The following AFF2 variants were observed in gnomAD, a reference collection of about 807,000 sequenced individuals.
The protein encoded by AFF2 is ALF transcription elongation factor 2, also known as AF4/FMR2 family member 2.
A neutral mutation model predicts 76.9 loss-of-function variants in AFF2; 14 were observed. The observed-to-expected ratio is 0.18, with a 90% CI of 0.12 to 0.28. AFF2 has a LOEUF of 0.28. AFF2 is among the 10% of genes least tolerant of loss of function. The pLI is 1.00. For missense variants in AFF2, 868 were observed against 1,001.1 expected (o/e 0.87, Z 1.79); for synonymous variants, 398 against 366.7 (o/e 1.09, Z -0.98).
At chrX:148,687,503 C>G (rs2124497305) in intron 3 of AFF2, among the ~76,000 whole-genome samples, 1 of 111,441 alleles carries the variant, frequency 9.0e-6, no homozygotes, top group African/African-American at 3.3e-5. Context: ...GGCATATTTT[C>G]AAATGTCATT....
intron 9 of AFF2, among the ~76,000 whole-genome samples, chrX:148,942,817 G>GAA (rs574314521): frequency 1.4e-4 from 12 of 86,705 alleles, no homozygotes; most frequent in African/African-American, 5.2e-4. Context: ...CTCCATCTCA[G>GAA]AAAAAAAAAA....
At chrX:148,765,718 T>C (rs782030146) in intron 3 of AFF2, among the ~76,000 whole-genome samples, 1 of 110,171 alleles carries the variant, frequency 9.1e-6, no homozygotes, top group Non-Finnish European at 1.9e-5. Flanking sequence ...TTTATTGTTA[T>C]TATACTTTAA....
At chrX:148,608,577 G>A (rs139859398) in intron 1 of AFF2, among the ~76,000 whole-genome samples, 1,347 of 109,082 alleles carry the variant, frequency 0.012, 31 homozygotes, top group African/African-American at 0.04. Flanking sequence ...GTGCAGTGGC[G>A]TGATTGTAGG....
At chrX:148,974,778 A>T (rs1557290006) in intron 16 of AFF2, among the ~76,000 whole-genome samples, 1 of 111,845 alleles carries the variant, frequency 8.9e-6, no homozygotes, top group African/African-American at 3.3e-5. Context: ...GCACTGAGAA[A>T]AGTGTCAAGT....
intron 3 of AFF2, among the ~76,000 whole-genome samples, chrX:148,789,623 G>T (rs2069866067): frequency 9.0e-6 from 1 of 111,085 alleles, no homozygotes; most frequent in Non-Finnish European, 1.9e-5. Flanking sequence ...GAGAGGTATG[G>T]TCCCTGTAAT....
intron 9 of AFF2, among the ~76,000 whole-genome samples, chrX:148,941,165 A>G (rs1387525493): frequency 9.0e-6 from 1 of 111,408 alleles, no homozygotes; most frequent in Non-Finnish European, 1.9e-5. Context: ...TTTGTGATTT[A>G]TAGTAAATGC....
At chrX:148,675,770 G>A (rs1288489477) in intron 3 of AFF2, among the ~76,000 whole-genome samples, 1 of 109,566 alleles carries the variant, frequency 9.1e-6, no homozygotes, top group African/African-American at 3.3e-5. Context: ...CCCCAAAACT[G>A]CCTTTCTGCA....
intron 3 of AFF2, among the ~76,000 whole-genome samples, chrX:148,760,774 G>A (rs1241962269): frequency 8.9e-6 from 1 of 112,135 alleles, no homozygotes; most frequent in Non-Finnish European, 1.9e-5. Context: ...GGCATTGTTG[G>A]ATAGTTTGTC....
chrX:148,529,040 A>G (rs1021281783), intron 1 of AFF2, among the ~76,000 whole-genome samples: 1 of 112,433 alleles, frequency 8.9e-6, no homozygotes, highest in Non-Finnish European at 1.9e-5. Context: ...TCATAACTTA[A>G]GTTATATTGA....
intron 1 of AFF2, among the ~76,000 whole-genome samples, chrX:148,540,385 G>A (rs1330986033): frequency 1.9e-5 from 2 of 103,316 alleles, no homozygotes; most frequent in African/African-American, 7.3e-5. Context: ...CAAAGGTTGT[G>A]GCTGACCAGC....
intron 3 of AFF2, among the ~76,000 whole-genome samples, chrX:148,800,022 C>T (rs1194033906): frequency 2.7e-5 from 3 of 111,747 alleles, no homozygotes; most frequent in South Asian, 3.8e-4. Flanking sequence ...TGTAAGTGGG[C>T]GCAGATCTAA....
intron 17 of AFF2, 113 bp downstream of exon 17, chrX:148,978,117 C>G (rs2072348775): frequency 1.8e-6 from 1 of 559,975 alleles, no homozygotes; most frequent in African/African-American, 2.3e-5. Flanking sequence ...TTCCATTAAA[C>G]TATTAAAGGA....
intron 1 of AFF2, among the ~76,000 whole-genome samples, chrX:148,567,571 C>T (rs782723947): frequency 2.0e-4 from 22 of 111,204 alleles, no homozygotes; most frequent in Non-Finnish European, 4.0e-4. Flanking sequence ...ACGGTGGAGT[C>T]AATACCTTGT....
intron 1 of AFF2, among the ~76,000 whole-genome samples, chrX:148,650,367 C>G (rs1557256181): frequency 4.5e-5 from 5 of 111,413 alleles, no homozygotes; most frequent in African/African-American, 1.6e-4. Flanking sequence ...CAAATAATAG[C>G]CTGGCTTCCA....
intron 3 of AFF2, among the ~76,000 whole-genome samples, chrX:148,771,664 G>T (rs782142655): frequency 1.8e-5 from 2 of 112,147 alleles, no homozygotes; most frequent in Non-Finnish European, 3.8e-5. Context: ...GATCCTCAGT[G>T]AATCTGATTG....
intron 1 of AFF2, among the ~76,000 whole-genome samples, chrX:148,558,611 G>A (rs1233101673): frequency 3.6e-5 from 4 of 111,633 alleles, no homozygotes; most frequent in African/African-American, 1.3e-4. Flanking sequence ...TATAAGAAAA[G>A]AGACAGAAAA....
chrX:148,698,100 C>T (rs917729132), intron 3 of AFF2, among the ~76,000 whole-genome samples: 1 of 112,172 alleles, frequency 8.9e-6, no homozygotes, highest in African/African-American at 3.2e-5. Context: ...CATGTCATTG[C>T]AGGCGTCATA....
At chrX:148,668,353 T>G (rs972737236) in intron 3 of AFF2, among the ~76,000 whole-genome samples, 6 of 112,722 alleles carry the variant, frequency 5.3e-5, no homozygotes, top group Admixed American at 3.7e-4. Flanking sequence ...TTCTGGGGTC[T>G]GGAGGTTGGT....
chrX:148,687,672 C>T (rs1280892248), intron 3 of AFF2, among the ~76,000 whole-genome samples: 4 of 109,969 alleles, frequency 3.6e-5, no homozygotes, highest in Non-Finnish European at 5.7e-5. Context: ...TCTTTTTATG[C>T]AATGTGGATT....
Sources: gnomAD v4.1 joint callset for allele counts (sites outside exome capture counted in the v4.1 genomes callset) on GRCh38, gnomAD v4.1.1 for gene constraint, MANE v1.5 for transcripts, NCBI Gene and HGNC (gene_info 2026-07-23, HGNC 2026-07-21) for gene names.